The following NEGR1 variants were observed in gnomAD, a reference collection of about 807,000 sequenced individuals.
NEGR1 encodes IgLON family member 4.
A neutral mutation model predicts 40.9 loss-of-function variants in NEGR1; 10 were observed. The observed-to-expected ratio is 0.24, with a 90% CI of 0.15 to 0.42. The LOEUF is 0.42. NEGR1 is among the 10% of genes least tolerant of loss of function. The pLI, the probability that NEGR1 is intolerant of heterozygous loss-of-function variation, is 1.00. For synonymous variants in NEGR1, 185 were observed against 166.8 expected (o/e 1.11, Z -0.84); for missense variants, 352 against 438.9 (o/e 0.80, Z 1.77).
At chr1:71,839,551 G>A (rs949270915) in intron 2 of NEGR1, among the ~76,000 whole-genome samples, 1 of 151,778 alleles carries the variant, frequency 6.6e-6, no homozygotes, top group Admixed American at 6.6e-5. Context: ...TCCTTCAAAG[G>A]CACCAGGGCT....
At chr1:71,549,312 C>T (rs1404092296) in intron 6 of NEGR1, among the ~76,000 whole-genome samples, 5 of 151,622 alleles carry the variant, frequency 3.3e-5, no homozygotes, top group African/African-American at 9.7e-5. Context: ...CTAGATTAAC[C>T]GTCTTATTAC....
intron 1 of NEGR1, among the ~76,000 whole-genome samples, chr1:72,124,315 C>T (rs1367627935): frequency 6.6e-6 from 1 of 151,890 alleles, no homozygotes. Context: ...CCTAGGTAGA[C>T]TTCTCCTACT....
At chr1:71,917,390 T>C (rs1661613537) in intron 2 of NEGR1, among the ~76,000 whole-genome samples, 1 of 152,216 alleles carries the variant, frequency 6.6e-6, no homozygotes, top group African/African-American at 2.4e-5. Context: ...AAGGCTTCAG[T>C]ATGTTACATG....
At chr1:71,728,932 G>T (rs1328598552) in intron 3 of NEGR1, among the ~76,000 whole-genome samples, 2 of 152,090 alleles carry the variant, frequency 1.3e-5, no homozygotes, top group Non-Finnish European at 2.9e-5. Flanking sequence ...GGCATTTCTT[G>T]CAGTATTAAT....
chr1:72,139,740 G>T (rs1447988311), intron 1 of NEGR1, among the ~76,000 whole-genome samples: 1 of 152,124 alleles, frequency 6.6e-6, no homozygotes, highest in Non-Finnish European at 1.5e-5. Context: ...GGATGAAAGA[G>T]TGAAATTAAC....
intron 6 of NEGR1, among the ~76,000 whole-genome samples, chr1:71,581,117 G>C (rs1288720662): frequency 2.0e-5 from 3 of 152,212 alleles, no homozygotes; most frequent in East Asian, 3.9e-4. Context: ...TTGCATCCCT[G>C]TGTCTGTATT....
Position 71,396,019 on chromosome 1 carries a change from C to G in NEGR1, c.*11427G>C, listed in dbSNP as rs1646209209. On this transcript the variant is annotated 3_prime_UTR_variant, in exon 7 of 7. Coordinates refer to ENST00000357731, the MANE Select transcript of NEGR1 (RefSeq NM_173808.3). Reference sequence around the variant, plus strand: ...TAAATGTGGAAACTGAAGCCCCATTCCAGAGAAGACATTGCTTTTTATGAT... The same window carrying G: ...TAAATGTGGAAACTGAAGCCCCATTGCAGAGAAGACATTGCTTTTTATGAT... The G allele has an allele frequency of 6.6e-6, 1 of 152,058 alleles. No individual in the cohort carries two copies. Among genetic ancestry groups the G allele is most frequent in the South Asian group, 2.1e-4 (1 of 4,824 alleles). The allele number at this position is 152,058 out of a possible 1,614,324, so 9.4% of individuals were successfully genotyped here.
At chr1:71,415,068 G>T (rs1288361099) in intron 6 of NEGR1, among the ~76,000 whole-genome samples, 2 of 151,550 alleles carry the variant, frequency 1.3e-5, no homozygotes, top group Admixed American at 6.6e-5. Context: ...TTCTTTTCTT[G>T]AATTAGAGGC....
rs780934862 is a variant in NEGR1 at position 72,282,509 on chromosome 1, C to T, written c.-15G>A. On this transcript the variant is annotated 5_prime_UTR_variant, in exon 1 of 7. Transcript: ENST00000357731. ...ATCATGTCCATCCCTGCTAGGGCTG[C>T]TCACTCTCCAGCAGCTTTCAGCTCG... 1.2e-6 allele frequency: 2 copies of T among 1,605,298 alleles called. No homozygotes were observed. Among genetic ancestry groups the T allele is most frequent in the Admixed American group, 1.7e-5 (1 of 59,592 alleles).
chr1:72,190,692 T>A (rs1652788879), intron 1 of NEGR1, among the ~76,000 whole-genome samples: 1 of 151,566 alleles, frequency 6.6e-6, no homozygotes. Flanking sequence ...TTAAACTTTT[T>A]ATAGAGGCAA....
chr1:71,954,585 A>C (rs1646103507), intron 1 of NEGR1, among the ~76,000 whole-genome samples: 3 of 152,018 alleles, frequency 2.0e-5, no homozygotes. Context: ...AGATAGGAGA[A>C]TCAGAAAAAA....
intron 6 of NEGR1, among the ~76,000 whole-genome samples, chr1:71,456,294 G>A (rs971266666): frequency 2.0e-5 from 3 of 152,142 alleles, no homozygotes; most frequent in Admixed American, 6.6e-5. Flanking sequence ...TTTCTGTAGT[G>A]ATGGGGTATC....
intron 1 of NEGR1, among the ~76,000 whole-genome samples, chr1:72,080,437 A>T (rs921186009): frequency 6.6e-6 from 1 of 152,058 alleles, no homozygotes; most frequent in South Asian, 2.1e-4. Flanking sequence ...ATGCATTCAA[A>T]AACTATTTTT....
intron 6 of NEGR1, among the ~76,000 whole-genome samples, chr1:71,543,792 C>T (rs1406045715): frequency 6.6e-6 from 1 of 151,582 alleles, no homozygotes; most frequent in Non-Finnish European, 1.5e-5. Context: ...TCAGTTATGA[C>T]CAAGTCTTGT....
chr1:71,427,731 T>A (rs1646437507), intron 6 of NEGR1, among the ~76,000 whole-genome samples: 1 of 152,138 alleles, frequency 6.6e-6, no homozygotes, highest in Non-Finnish European at 1.5e-5. Flanking sequence ...AGCAATAAAA[T>A]ATACATTTTG....
At chr1:71,902,329 T>G (rs1350848473) in intron 2 of NEGR1, among the ~76,000 whole-genome samples, 7 of 152,234 alleles carry the variant, frequency 4.6e-5, no homozygotes, top group African/African-American at 1.4e-4. Context: ...CAAGGGCATT[T>G]GTCAGTTTAT....
chr1:71,579,650 T>C (rs570994546), intron 6 of NEGR1, among the ~76,000 whole-genome samples: 6 of 146,888 alleles, frequency 4.1e-5, no homozygotes, highest in African/African-American at 1.5e-4. Flanking sequence ...GAAAGGGAAC[T>C]GATTCCACCT....
intron 3 of NEGR1, among the ~76,000 whole-genome samples, chr1:71,766,663 GA>G (rs1387110684): frequency 1.3e-5 from 2 of 152,178 alleles, no homozygotes; most frequent in African/African-American, 4.8e-5. Context: ...CATGCTTCTA[GA>G]TTTTTTTATC....
intron 3 of NEGR1, among the ~76,000 whole-genome samples, chr1:71,775,696 A>T (rs1207028998): frequency 6.6e-6 from 1 of 151,906 alleles, no homozygotes. Context: ...AGTAAGTATA[A>T]AAATATGCAT....
Sources: gnomAD v4.1 joint callset for allele counts (sites outside exome capture counted in the v4.1 genomes callset) on GRCh38, gnomAD v4.1.1 for gene constraint, MANE v1.5 for transcripts, NCBI Gene and HGNC (gene_info 2026-07-23, HGNC 2026-07-21) for gene names.